The following FER1L6 variants were observed in gnomAD, a reference collection of about 807,000 sequenced individuals.
FER1L6 encodes fer-1-like protein 6.
In FER1L6, 177 loss-of-function variants were observed where a neutral mutation model predicts 219.2. That is an observed-to-expected ratio of 0.81 (90% CI 0.71 to 0.91). The LOEUF (loss-of-function observed/expected upper bound fraction) is 0.91, where lower values mean the gene tolerates loss of function less well. Ranked by LOEUF, FER1L6 falls within the 40% of genes least tolerant of loss-of-function variation. The pLI is 0.00. For missense variants in FER1L6, 2,153 were observed against 2,259.9 expected (o/e 0.95, Z 0.96); for synonymous variants, 768 against 824.3 (o/e 0.93, Z 1.17).
intron 1 of FER1L6, among the ~76,000 whole-genome samples, chr8:123,917,592 T>G (rs1586463215): frequency 6.6e-6 from 1 of 152,336 alleles, no homozygotes; most frequent in Middle Eastern, 3.4e-3. Context: ...CTACAGTCTT[T>G]GCTGAATGTA....
At chr8:123,980,844 C>G in intron 11 of FER1L6, 33 bp downstream of exon 11, 6 of 1,551,112 alleles carry the variant, frequency 3.9e-6, no homozygotes, top group Non-Finnish European at 5.3e-6. Flanking sequence ...GGTACTTTAC[C>G]TATGAGGTGA....
chr8:123,887,650 C>A (rs182220278), intron 1 of FER1L6, among the ~76,000 whole-genome samples: 130 of 152,248 alleles, frequency 8.5e-4, no homozygotes, highest in Non-Finnish European at 1.5e-3. Flanking sequence ...GAGGGAAGCA[C>A]CCTGACTGTT....
At chr8:123,994,249 T>C (rs7818302) in intron 12 of FER1L6, among the ~76,000 whole-genome samples, 8,196 of 152,168 alleles carry the variant, frequency 0.054, 528 homozygotes, top group African/African-American at 0.16. Flanking sequence ...CTTTGTGTTA[T>C]GTTATCAGTG....
chr8:124,039,929 C>T lies in FER1L6; in HGVS notation c.2512C>T (p.Leu838Phe). 2 of 1,614,140 alleles carry T rather than the reference C, an allele frequency of 1.2e-6. No individual in the cohort carries two copies. Residue 838 changes from leucine to phenylalanine, a missense_variant, in exon 20 of 41, where the codon CTC becomes TTC. Leu to Phe is a conservative substitution (Grantham distance 22, BLOSUM62 0). Transcript: ENST00000522917. The part of the protein sequence containing the change: ...LRAHMYQARG[L>F]IAADSNGLSD... ...GGCTCACATGTACCAAGCCCGGGGC[C>T]TCATCGCAGCTGACAGCAATGGACT...
chr8:123,965,061 G>T (rs1815474021), intron 3 of FER1L6, among the ~76,000 whole-genome samples: 1 of 152,156 alleles, frequency 6.6e-6, no homozygotes, highest in African/African-American at 2.4e-5. Flanking sequence ...CCAATTAAAT[G>T]ATATTTACCC....
intron 1 of FER1L6, among the ~76,000 whole-genome samples, chr8:123,884,604 G>T (rs928687942): frequency 6.6e-6 from 1 of 152,210 alleles, no homozygotes; most frequent in African/African-American, 2.4e-5. Context: ...AATGATGTGT[G>T]CATTAGCTGG....
rs182483368 is a variant in FER1L6 at position 124,013,116 on chromosome 8, C to T, written c.1822-315C>T. Among the ~76,000 whole-genome samples, 921 of 152,284 alleles carry T rather than the reference C, an allele frequency of 6.0e-3. 12 individuals are homozygous for T. Among genetic ancestry groups the T allele is most frequent in the African/African-American group, 0.02 (847 of 41,540 alleles). ...ACTCTACATTGTTAGCTATTTCCCA[C>T]GTTATTAGGTTTCCCCAGAGGGTAG... On this transcript the variant is annotated intron_variant, in intron 14 of 40. Coordinates refer to ENST00000522917, the MANE Select transcript of FER1L6 (RefSeq NM_001039112.2).
intron 7 of FER1L6, among the ~76,000 whole-genome samples, chr8:123,973,917 C>T (rs1226453252): frequency 3.9e-5 from 6 of 152,222 alleles, no homozygotes; most frequent in Admixed American, 3.9e-4. Flanking sequence ...AGATAACTTA[C>T]TACTTCCTTC....
chr8:123,898,836 T>TGTGTATATATATATAC (rs1563677689), intron 1 of FER1L6, among the ~76,000 whole-genome samples: 30 of 134,692 alleles, frequency 2.2e-4, no homozygotes, highest in Non-Finnish European at 3.6e-4. Context: ...TATATATATA[T>TGTGTATATATATATAC]ACATACATAT....
At chr8:123,910,258 G>A (rs1813028083) in intron 1 of FER1L6, among the ~76,000 whole-genome samples, 1 of 152,206 alleles carries the variant, frequency 6.6e-6, no homozygotes, top group Non-Finnish European at 1.5e-5. Context: ...CAGCTGAGCT[G>A]GAGATATTCT....
chr8:123,915,324 G>T (rs1403625105), intron 1 of FER1L6, among the ~76,000 whole-genome samples: 1 of 152,124 alleles, frequency 6.6e-6, no homozygotes, highest in African/African-American at 2.4e-5. Context: ...AGTTTGTCAT[G>T]TGGTTCAGGG....
rs1821494077 is a variant in FER1L6 at position 124,080,508 on chromosome 8, G to A, written c.4221-1780G>A. Among the ~76,000 whole-genome samples the A allele has an allele frequency of 7.2e-5, 11 of 152,232 alleles. No individual in the cohort carries two copies. In the South Asian group the frequency reaches 2.3e-3, roughly 32 times the overall value. Reference sequence around the variant, plus strand: ...AATTTTTGTATTTTTAGTAGAGACAGGGTTTCACCATGTTGGCCAGGCTTG... The same window carrying A: ...AATTTTTGTATTTTTAGTAGAGACAAGGTTTCACCATGTTGGCCAGGCTTG... On this transcript the variant is annotated intron_variant, in intron 32 of 40. Transcript: ENST00000522917.
intron 39 of FER1L6, among the ~76,000 whole-genome samples, chr8:124,113,314 C>T (rs180938758): frequency 1.3e-3 from 197 of 152,122 alleles, no homozygotes; most frequent in African/African-American, 4.5e-3. Flanking sequence ...TTTGGGTATA[C>T]TCCATTGATA....
chr8:123,956,270 C>G (rs1386229533), intron 2 of FER1L6, among the ~76,000 whole-genome samples, 196 bp downstream of exon 2: 1 of 152,248 alleles, frequency 6.6e-6, no homozygotes, highest in African/African-American at 2.4e-5. Flanking sequence ...CTGGGCCAAA[C>G]AGGTGAGTGG....
chr8:123,947,656 T>C (rs1184269281), intron 1 of FER1L6, among the ~76,000 whole-genome samples: 2 of 152,322 alleles, frequency 1.3e-5, no homozygotes, highest in African/African-American at 4.8e-5. Flanking sequence ...AGGGTACATA[T>C]GTAAACTAGG....
chr8:124,108,006 A>G (rs145872119), intron 39 of FER1L6, among the ~76,000 whole-genome samples: 137 of 152,332 alleles, frequency 9.0e-4, no homozygotes, highest in African/African-American at 3.1e-3. Flanking sequence ...GATCAGTAAT[A>G]ATGAGAGGGG....
chr8:123,864,082 T>G (rs1816789439), intron 1 of FER1L6, among the ~76,000 whole-genome samples: 1 of 148,334 alleles, frequency 6.7e-6, no homozygotes, highest in Non-Finnish European at 1.5e-5. Context: ...GTCTCGATGG[T>G]CTTTACATTT....
chr8:124,061,621 GGT>G (rs1043579318), intron 24 of FER1L6, among the ~76,000 whole-genome samples: 31 of 152,304 alleles, frequency 2.0e-4, no homozygotes, highest in African/African-American at 7.5e-4. Context: ...AGAGGTGAGA[GGT>G]TTTGTAATTT....
At chr8:123,882,417 G>T (rs1817125637) in intron 1 of FER1L6, among the ~76,000 whole-genome samples, 1 of 152,156 alleles carries the variant, frequency 6.6e-6, no homozygotes, top group Admixed American at 6.6e-5. Context: ...ATGGAGATGT[G>T]CTTACTTGGT....
Sources: gnomAD v4.1 joint callset for allele counts (sites outside exome capture counted in the v4.1 genomes callset) on GRCh38, gnomAD v4.1.1 for gene constraint, MANE v1.5 for transcripts, NCBI Gene and HGNC (gene_info 2026-07-23, HGNC 2026-07-21) for gene names.